CD177: variants seen among roughly 807,000 people sequenced by gnomAD.
The protein encoded by CD177 is CD177 antigen.
A neutral mutation model predicts 38.1 loss-of-function variants in CD177; 41 were observed. The observed-to-expected ratio is 1.07, with a 90% CI of 0.84 to 1.39. CD177 has a LOEUF of 1.39. Ranked by LOEUF, CD177 falls within the 40% of genes most tolerant of loss-of-function variation. CD177 has a pLI of 0.00. For synonymous variants in CD177, 236 were observed against 216.7 expected, an observed-to-expected ratio of 1.09 and a Z score of -0.78; for missense variants, 619 against 523.8, an observed-to-expected ratio of 1.18 and a Z score of -1.77.
intron 3 of CD177, among the ~76,000 whole-genome samples, chr19:43,355,124 TTTTTTC>T (rs1344951512): frequency 4.1e-5 from 5 of 121,864 alleles, no homozygotes; most frequent in South Asian, 2.9e-4. Context: ...TTTTTTTTTT[TTTTTTC>T]TGAGAAAGCG....
At position 43,362,485 on chromosome 19, in the gene CD177, G is replaced by C. The variant is rs1399254440; in HGVS notation, c.*165G>C. ...ATCTACTCACCTAACAGCAACACTG[G>C]GGAGAGCCTGGAGCATCCGGACTTG... On this transcript the variant is annotated 3_prime_UTR_variant, in exon 9 of 9. Transcript: ENST00000618265. 4 of 532,920 alleles carry C rather than the reference G, an allele frequency of 7.5e-6. No individual in the cohort carries two copies. Among genetic ancestry groups the C allele is most frequent in the African/African-American group, 3.8e-5 (2 of 52,364 alleles). 33.0% of individuals were successfully genotyped at this position (532,920 alleles called of 1,614,324 possible). A position where few individuals can be genotyped will look rare whatever the true frequency, so the allele number is the denominator to read the frequency against.
At chr19:43,354,889 G>C (rs1277615412) in intron 3 of CD177, among the ~76,000 whole-genome samples, 1 of 151,966 alleles carries the variant, frequency 6.6e-6, no homozygotes, top group Admixed American at 6.6e-5. Flanking sequence ...AGGTTTAGTA[G>C]CGCTTGCAGG....
At position 43,353,889 on chromosome 19, in the gene CD177, A is replaced by G; in HGVS notation, c.89A>G (p.Gln30Arg). 1 of 1,613,884 alleles carries G rather than the reference A, an allele frequency of 6.2e-7. No homozygotes were observed. The highest frequency in any genetic ancestry group is 8.5e-7 in the Non-Finnish European group (1 of 1,179,852). The change falls in exon 2 of 9, where the codon CAG (glutamine) becomes CGG (arginine). Residue 30 changes from glutamine (Q) to arginine (R), a missense_variant. By Grantham distance (43) the Gln-to-Arg change is conservative (BLOSUM62 1). Transcript: ENST00000618265. Reference protein sequence around the residue: ...QALLCQFGTVQHVWKVSDLPR... With the variant: ...QALLCQFGTVRHVWKVSDLPR... ...CTGCTCTGCCAGTTTGGGACAGTTCAGCATGTGTGGAAGGTGTCCGACCTG... is the reference window on the plus strand; with the variant it reads ...CTGCTCTGCCAGTTTGGGACAGTTCGGCATGTGTGGAAGGTGTCCGACCTG...
In CD177 at chr19:43,353,943, G is replaced by C. The variant is rs375804751; in HGVS notation, c.143G>C (p.Ser48Thr). 6.2e-7 allele frequency: 1 copy of C among 1,613,792 alleles called. No individual in the cohort carries two copies. Among genetic ancestry groups the C allele is most frequent in the African/African-American group, 1.3e-5 (1 of 74,892 alleles). The change falls in exon 2 of 9, where the codon AGC becomes ACC. Residue 48 changes from serine to threonine, a missense_variant. Physicochemically the swap from Ser to Thr is moderately conservative, Grantham distance 58 (BLOSUM62 1). Coordinates refer to ENST00000618265, the MANE Select transcript of CD177 (RefSeq NM_020406.4). ...LPRQWTPKNT[S>T]CDSGLGCQDT... Reference sequence around the variant, plus strand: ...CGGCAATGGACCCCTAAGAACACCAGCTGCGACAGCGGCTTGGGGTGCCAG... The same window carrying C: ...CGGCAATGGACCCCTAAGAACACCACCTGCGACAGCGGCTTGGGGTGCCAG...
At position 43,361,554 on chromosome 19, in the gene CD177, T is replaced by C. The variant is rs1487270865; in HGVS notation, c.1056T>C (p.Tyr352=). The part of the protein sequence containing the change: ...MTCPRGATHC[Y]DGYIHLSGGG... ...GCCCCAGGGGCGCCACTCATTGTTA[T>C]GATGGGTACATTCATCTCTCAGGAG... Residue 352 remains tyrosine, a synonymous_variant, in exon 8 of 9, where the codon TAT becomes TAC. Transcript: ENST00000618265. 65 of 1,578,986 alleles carry C rather than the reference T, an allele frequency of 4.1e-5. No homozygotes were observed. Among genetic ancestry groups the C allele is most frequent in the Non-Finnish European group, 5.4e-5 (63 of 1,160,440 alleles).
rs757644378 is a variant in CD177 at position 43,361,466 on chromosome 19, G to A, written c.968G>A (p.Arg323Gln). 116 of 1,584,130 alleles carry A rather than the reference G, an allele frequency of 7.3e-5. No individual in the cohort carries two copies. The South Asian group carries it at 8.1e-4, about 11-fold the overall frequency. ...CCAGCTGCCCCTGTCCCAGGAGACC[G>A]GCAGTGTCCTACCTGTGTGCAGCCC... The part of the protein sequence containing the change: ...PPQAAPVPGD[R>Q]QCPTCVQPLG... Residue 323 changes from arginine (R) to glutamine (Q), a missense_variant, in exon 8 of 9, where the codon CGG becomes CAG. Arg to Gln is a conservative substitution (Grantham distance 43). Coordinates refer to ENST00000618265, the MANE Select transcript of CD177 (RefSeq NM_020406.4).
chr19:43,364,418 G>T (rs1310771000), downstream of CD177, among the ~76,000 whole-genome samples: 3 of 152,200 alleles, frequency 2.0e-5, no homozygotes, highest in African/African-American at 7.2e-5. Context: ...GGATGGCCTT[G>T]TCTTTAGTGG....
rs772517528 is a variant in CD177 at position 43,362,196 on chromosome 19, A to T, written c.1190A>T (p.Asp397Val). 3.1e-6 allele frequency: 5 copies of T among 1,612,124 alleles called. No individual in the cohort carries two copies. The African/African-American group carries it at 6.7e-5, about 22-fold the overall frequency. ...IGIFSAREKR[D>V]VQPPASQHEG... ...ATCTTCTCTGCGCGTGAGAAGCGTG[A>T]TGTGCAGCCTCCTGCCTCTCAGCAT... The change falls in exon 9 of 9, where the codon GAT becomes GTT. Residue 397 changes from aspartate to valine, a missense_variant. By Grantham distance (152) the Asp-to-Val change is radical (BLOSUM62 -3). Coordinates refer to ENST00000618265, the MANE Select transcript of CD177 (RefSeq NM_020406.4).
Position 43,353,872 on chromosome 19 carries a change from C to A in CD177, c.72C>A (p.Cys24Ter). 6.2e-7 allele frequency: 1 copy of A among 1,613,860 alleles called. No individual in the cohort carries two copies. Among genetic ancestry groups the A allele is most frequent in the Non-Finnish European group, 8.5e-7 (1 of 1,179,852 alleles). Residue 24 changes from cysteine (C) to a stop codon, truncating the protein, a stop_gained, in exon 2 of 9, where the codon TGC (cysteine) becomes TGA (stop). Transcript: ENST00000618265. LOFTEE classifies it high-confidence loss of function. ...LPLPGVQALL[C>*]QFGTVQHVWK... The stretch of plus-strand genomic sequence containing the variant: ...CTCCAGGAGTGCAGGCGCTGCTCTG[C>A]CAGTTTGGGACAGTTCAGCATGTGT...
At position 43,362,525 on chromosome 19, in the gene CD177, G is replaced by A. The variant is rs1195025438; in HGVS notation, c.*205G>A. ...ATCCGGACTTGCCCTATGGGAGAGG[G>A]GACGCTGGAGGAGTGGCTGCATGTA... is the stretch of plus-strand genomic sequence containing the variant. On this transcript the variant is annotated 3_prime_UTR_variant, in exon 9 of 9. Transcript: ENST00000618265. 6.4e-6 allele frequency: 3 copies of A among 468,760 alleles called. No homozygotes were observed. Among genetic ancestry groups the A allele is most frequent in the Non-Finnish European group, 1.1e-5 (3 of 264,636 alleles). 29.0% of individuals were successfully genotyped at this position (468,760 alleles called of 1,614,324 possible).
chr19:43,362,473 A>C lies in CD177; in HGVS notation c.*153A>C. 1 of 538,768 alleles carries C rather than the reference A, an allele frequency of 1.9e-6. No homozygotes were observed. The highest frequency in any genetic ancestry group is 3.3e-5 in the Admixed American group (1 of 30,356). 33.4% of individuals were successfully genotyped at this position (538,768 alleles called of 1,614,324 possible). ...ACAATCATTCATATCTACTCACCTA[A>C]CAGCAACACTGGGGAGAGCCTGGAG... On this transcript the variant is annotated 3_prime_UTR_variant, in exon 9 of 9. Transcript: ENST00000618265.
rs1478252319 is a variant in CD177 at position 43,353,832 on chromosome 19, G to A, written c.53-21G>A. ...CGGGCAAGGGAACCCTGCTGAGATGGATTTGCTCTTGCCACTCCAGGAGTG... is the reference window on the plus strand; with the variant it reads ...CGGGCAAGGGAACCCTGCTGAGATGAATTTGCTCTTGCCACTCCAGGAGTG... On this transcript the variant is annotated intron_variant, in intron 1 of 8. Transcript: ENST00000618265. 5 of 1,613,666 alleles carry A rather than the reference G, an allele frequency of 3.1e-6. No homozygotes were observed. In the South Asian group the frequency reaches 5.5e-5, roughly 18 times the overall value.
chr19:43,355,342 G>C (rs1229299914), intron 3 of CD177, among the ~76,000 whole-genome samples: 1 of 151,338 alleles, frequency 6.6e-6, no homozygotes, highest in Non-Finnish European at 1.5e-5. Context: ...TTGAACTCCT[G>C]ACCTCGTGAT....
At position 43,362,581 on chromosome 19, in the gene CD177, A is replaced by C; in HGVS notation, c.*261A>C. 3.1e-6 allele frequency: 1 copy of C among 327,678 alleles called. No homozygotes were observed. Among genetic ancestry groups the C allele is most frequent in the African/African-American group, 2.1e-5 (1 of 46,938 alleles). The allele number at this position is 327,678 out of a possible 1,614,324, so 20.3% of individuals were successfully genotyped here. On this transcript the variant is annotated 3_prime_UTR_variant, in exon 9 of 9. Coordinates refer to ENST00000618265, the MANE Select transcript of CD177 (RefSeq NM_020406.4). Reference sequence around the variant, plus strand: ...TAATACAGACCCTGTCCTTTCTCCCAGTGCTGGGATTTCTCCATGTGAGGG... The same window carrying C: ...TAATACAGACCCTGTCCTTTCTCCCCGTGCTGGGATTTCTCCATGTGAGGG...
intron 8 of CD177, 47 bp from the exon 9 acceptor site, chr19:43,362,041 G>T (rs141408883): frequency 1.5e-4 from 235 of 1,544,208 alleles, no homozygotes; most frequent in Non-Finnish European, 2.0e-4. Flanking sequence ...TTACAACTTG[G>T]CTGGGCTGTA....
rs1423499395 is a variant in CD177, at chr19:43,362,198, G to A, written c.1192G>A (p.Val398Met). 6.2e-7 allele frequency: 1 copy of A among 1,613,514 alleles called. No homozygotes were observed. The highest frequency in any genetic ancestry group is 8.5e-7 in the Non-Finnish European group (1 of 1,179,590). ...GIFSAREKRD[V>M]QPPASQHEGG... ...CTTCTCTGCGCGTGAGAAGCGTGAT[G>A]TGCAGCCTCCTGCCTCTCAGCATGA... The change falls in exon 9 of 9, where the codon GTG becomes ATG. Residue 398 changes from valine to methionine, a missense_variant. Physicochemically the swap from Val to Met is conservative, Grantham distance 21. Coordinates refer to ENST00000618265, the MANE Select transcript of CD177 (RefSeq NM_020406.4).
chr19:43,355,503 T>C (rs756581741), intron 3 of CD177, 158 bp from the exon 4 acceptor site: 4 of 805,988 alleles, frequency 5.0e-6, no homozygotes, highest in Non-Finnish European at 8.3e-6. Flanking sequence ...TTCTTTATTT[T>C]CCCACATCCA....
chr19:43,361,471 T>C lies in CD177; in HGVS notation c.973T>C (p.Cys325Arg), dbSNP rs765735119. 1.9e-6 allele frequency: 3 copies of C among 1,583,578 alleles called. No homozygotes were observed. The South Asian group carries it at 3.4e-5, about 18-fold the overall frequency. Residue 325 changes from cysteine to arginine, a missense_variant, in exon 8 of 9, where the codon TGT becomes CGT. By Grantham distance (180) the Cys-to-Arg change is radical. Coordinates refer to ENST00000618265, the MANE Select transcript of CD177 (RefSeq NM_020406.4). ...QAAPVPGDRQCPTCVQPLGTC... is the reference protein window; with the variant it reads ...QAAPVPGDRQRPTCVQPLGTC... ...TGCCCCTGTCCCAGGAGACCGGCAG[T>C]GTCCTACCTGTGTGCAGCCCCTTGG...
chr19:43,361,842 G>A lies in CD177; in HGVS notation c.1082-246G>A, dbSNP rs370032621. 1.1e-3 allele frequency among the ~76,000 whole-genome samples: 163 copies of A among 143,068 alleles called. 1 individual carries two copies. In the South Asian group the frequency reaches 0.025, roughly 22 times the overall value. 93.9% of individuals were successfully genotyped at this position (143,068 alleles called of 152,430 possible). A position where few individuals can be genotyped will look rare whatever the true frequency, so the allele number is the denominator to read the frequency against. ...TCTGAGGGAGGAGGGGCTGGGGGCC[G>A]GGGCTCCTGGGTCTGAGGAGCTGAG... On this transcript the variant is annotated intron_variant, in intron 8 of 8. Coordinates refer to ENST00000618265, the MANE Select transcript of CD177 (RefSeq NM_020406.4).
Sources: allele counts gnomAD v4.1 joint callset (sites outside exome capture counted in the v4.1 genomes callset), GRCh38; gene constraint gnomAD v4.1.1; transcripts MANE v1.5; gene names NCBI Gene and HGNC (gene_info 2026-07-23, HGNC 2026-07-21).